MED10: variants seen among roughly 807,000 people sequenced by gnomAD.
MED10 encodes mediator complex subunit 10.
Under a neutral mutation model 17.2 loss-of-function variants are expected in MED10, and 9 were observed. That is an observed-to-expected ratio of 0.52 (90% CI 0.31 to 0.91). The LOEUF (loss-of-function observed/expected upper bound fraction) is 0.91. Among genes scored for constraint, MED10 ranks in the 40% least tolerant of loss-of-function variants. MED10 has a pLI of 0.04. For synonymous variants in MED10, 66 were observed against 59.8 expected, an observed-to-expected ratio of 1.10 and a Z score of -0.48; for missense variants, 129 against 164.8, an observed-to-expected ratio of 0.78 and a Z score of 1.19.
intron 3 of MED10, among the ~76,000 whole-genome samples, chr5:6,372,936 A>C (rs1030573172): frequency 1.3e-5 from 2 of 152,190 alleles, no homozygotes; most frequent in African/African-American, 4.8e-5. Context: ...CTGTTGGCCA[A>C]TATAATTCTC....
At chr5:6,378,257 A>C (rs1454918540) in intron 1 of MED10, 105 bp downstream of exon 1, 28 of 1,400,456 alleles carry the variant, frequency 2.0e-5, no homozygotes, top group Middle Eastern at 2.3e-4. Flanking sequence ...GCGGGGCACG[A>C]GTAGCGGTCA....
chr5:6,374,393 G>A lies in MED10; in HGVS notation c.240C>T (p.Tyr80=), dbSNP rs1318545448. The A allele has an allele frequency of 3.1e-6, 5 of 1,613,882 alleles. No homozygotes were observed. Among genetic ancestry groups the A allele is most frequent in the South Asian group, 2.2e-5 (2 of 91,082 alleles). Residue 80 remains tyrosine, a synonymous_variant, in exon 3 of 4, where the codon TAC becomes TAT. Transcript: ENST00000255764. ...YIDQGRNPQL[Y]TKECLERALA... ...GAGCCCTCTCCAGGCACTCTTTGGT[G>A]TAGAGCTGGGGATTTCGACCTTGAT...
chr5:6,374,415 T>C lies in MED10; in HGVS notation c.218A>G (p.Gln73Arg). ...VPLEVFEYID[Q>R]GRNPQLYTKE... Reference sequence around the variant, plus strand: ...GGTGTAGAGCTGGGGATTTCGACCTTGATCTATATATCTGGAAACACGATA... The same window carrying C: ...GGTGTAGAGCTGGGGATTTCGACCTCGATCTATATATCTGGAAACACGATA... The change falls in exon 3 of 4, where the codon CAA (glutamine) becomes CGA (arginine). Residue 73 changes from glutamine (Q) to arginine (R), a missense_variant. Gln to Arg is a conservative substitution (Grantham distance 43, BLOSUM62 1). Around this residue, in one of 3 missense-constraint regions of MED10, gnomAD observed 100 missense variants for 121.0 expected, o/e 0.83. Coordinates refer to ENST00000255764, the MANE Select transcript of MED10 (RefSeq NM_032286.3). The C allele has an allele frequency of 6.2e-7, 1 of 1,610,364 alleles. No individual in the cohort carries two copies. Among genetic ancestry groups the C allele is most frequent in the East Asian group, 2.2e-5 (1 of 44,844 alleles).
rs776927446 is a variant in MED10, at chr5:6,372,475, G to A, written c.*28C>T. 3 of 1,597,150 alleles carry A rather than the reference G, an allele frequency of 1.9e-6. No homozygotes were observed. The South Asian group carries it at 3.3e-5, about 18-fold the overall frequency. ...CCTCACGCCGCATCGCAGTCCCAGG[G>A]GATCTTCACACAGGGAGGGTGAGCT... On this transcript the variant is annotated 3_prime_UTR_variant, in exon 4 of 4. Coordinates refer to ENST00000255764, the MANE Select transcript of MED10 (RefSeq NM_032286.3).
intron 3 of MED10, 117 bp downstream of exon 3, chr5:6,374,207 T>C (rs781605542): frequency 1.4e-6 from 1 of 696,882 alleles, no homozygotes; most frequent in Non-Finnish European, 2.6e-6. Flanking sequence ...AATCTCAATA[T>C]GTGAAGTTAT....
intron 3 of MED10, among the ~76,000 whole-genome samples, chr5:6,373,040 A>G (rs1402652544): frequency 6.6e-6 from 1 of 152,246 alleles, no homozygotes; most frequent in African/African-American, 2.4e-5. Flanking sequence ...GCTGGACTCA[A>G]CAACTCCTCA....
chr5:6,373,827 C>A (rs1737939260), intron 3 of MED10, among the ~76,000 whole-genome samples: 1 of 152,206 alleles, frequency 6.6e-6, no homozygotes, highest in Admixed American at 6.5e-5. Flanking sequence ...TGTTCAAGTG[C>A]AGAGAGTTCT....
rs923240135 is a variant in MED10 at position 6,378,259 on chromosome 5, T to G, written c.122+103A>C. On this transcript the variant is annotated intron_variant, in intron 1 of 3. Transcript: ENST00000255764. ...GACCAGAGGGCTGGCGGGGCACGAGTAGCGGTCAGGCTCGGCTCGGGCTCC... is the reference window on the plus strand; with the variant it reads ...GACCAGAGGGCTGGCGGGGCACGAGGAGCGGTCAGGCTCGGCTCGGGCTCC... 9 of 1,403,208 alleles carry G rather than the reference T, an allele frequency of 6.4e-6. No homozygotes were observed. The Admixed American group carries it at 7.9e-5, about 12-fold the overall frequency. The allele number at this position is 1,403,208 out of a possible 1,614,324, so 86.9% of individuals were successfully genotyped here. A position where few individuals can be genotyped will look rare whatever the true frequency, so the allele number is the denominator to read the frequency against.
chr5:6,378,494 C>G lies in MED10; in HGVS notation c.-11G>C, dbSNP rs766701980. 6.6e-5 allele frequency: 107 copies of G among 1,609,180 alleles called. No homozygotes were observed. Among genetic ancestry groups the G allele is most frequent in the Admixed American group, 1.7e-4 (10 of 59,534 alleles). On this transcript the variant is annotated 5_prime_UTR_variant, in exon 1 of 4. Coordinates refer to ENST00000255764, the MANE Select transcript of MED10 (RefSeq NM_032286.3). ...AAACTTCTCCGCCATCGCCTCGGCC[C>G]GTCCCCGACCCACACAGCCTCAACC...
At chr5:6,376,175 G>C (rs1393037385) in intron 2 of MED10, among the ~76,000 whole-genome samples, 1 of 152,196 alleles carries the variant, frequency 6.6e-6, no homozygotes, top group Non-Finnish European at 1.5e-5. Context: ...CAGGTGAACA[G>C]AAGATCAGAG....
In MED10 at chr5:6,372,401, G is replaced by A. The variant is rs115077721; in HGVS notation, c.*102C>T. 612 of 945,378 alleles carry A rather than the reference G, an allele frequency of 6.5e-4. No homozygotes were observed. The African/African-American group carries it at 9.2e-3, about 14-fold the overall frequency. The allele number at this position is 945,378 out of a possible 1,614,324, so 58.6% of individuals were successfully genotyped here. A position where few individuals can be genotyped will look rare whatever the true frequency, so the allele number is the denominator to read the frequency against. On this transcript the variant is annotated 3_prime_UTR_variant, in exon 4 of 4. Coordinates refer to ENST00000255764, the MANE Select transcript of MED10 (RefSeq NM_032286.3). ...AGAGGGGCTGAGGGGTGTGTCCAGG[G>A]CCCAGTCCCACCTCAGCAGGAAGGT...
chr5:6,372,486 C>T lies in MED10; in HGVS notation c.*17G>A, dbSNP rs1330127134. On this transcript the variant is annotated 3_prime_UTR_variant, in exon 4 of 4. Transcript: ENST00000255764. ...ATCGCAGTCCCAGGGGATCTTCACA[C>T]AGGGAGGGTGAGCTGGTTAAGAAGG... 3 of 1,610,366 alleles carry T rather than the reference C, an allele frequency of 1.9e-6. No individual in the cohort carries two copies. The highest frequency in any genetic ancestry group is 2.5e-6 in the Non-Finnish European group (3 of 1,176,594).
intron 3 of MED10, among the ~76,000 whole-genome samples, chr5:6,373,238 C>T (rs1443681310): frequency 2.0e-5 from 3 of 152,134 alleles, no homozygotes; most frequent in Non-Finnish European, 4.4e-5. Flanking sequence ...TCCTCCCACT[C>T]GGCCAGAGCG....
chr5:6,376,523 T>C (rs1003437781), intron 2 of MED10, among the ~76,000 whole-genome samples: 6 of 152,320 alleles, frequency 3.9e-5, no homozygotes, highest in East Asian at 1.9e-4. Context: ...ACCAAATCAA[T>C]GCAAGAAAAC....
At position 6,372,611 on chromosome 5, in the gene MED10, A is replaced by G. The variant is rs1406000011; in HGVS notation, c.310-10T>C. The G allele has an allele frequency of 6.2e-7, 1 of 1,600,698 alleles. No homozygotes were observed. The highest frequency in any genetic ancestry group is 1.1e-5 in the South Asian group (1 of 90,826). ...ACAGGCTTTTAAATTTCTACAAAGA[A>G]AATACATTATCAAAGGAGCTCTTCA... On this transcript the variant is annotated splice_polypyrimidine_tract_variant and intron_variant, in intron 3 of 3. Transcript: ENST00000255764.
chr5:6,373,638 C>T (rs534323100), intron 3 of MED10, among the ~76,000 whole-genome samples: 36 of 152,150 alleles, frequency 2.4e-4, no homozygotes, highest in African/African-American at 7.7e-4. Context: ...CGTGGATGGC[C>T]GGGAGGAGGA....
chr5:6,377,299 A>C, intron 1 of MED10, 50 bp from the exon 2 acceptor site: 1 of 1,412,912 alleles, frequency 7.1e-7, no homozygotes, highest in Non-Finnish European at 9.9e-7. Flanking sequence ...GCTTGACAGC[A>C]TAAGCACCAC....
intron 3 of MED10, among the ~76,000 whole-genome samples, chr5:6,372,928 G>C (rs1301571200): frequency 6.6e-6 from 1 of 152,190 alleles, no homozygotes; most frequent in African/African-American, 2.4e-5. Flanking sequence ...AGACGTTTCT[G>C]TTGGCCAATA....
At chr5:6,374,688 C>T in intron 2 of MED10, 1 of 392,480 alleles carries the variant, frequency 2.5e-6, no homozygotes, top group Non-Finnish European at 4.7e-6. Flanking sequence ...GCTTCACAAG[C>T]CATACCACTT....
Sources: allele counts gnomAD v4.1 joint callset (sites outside exome capture counted in the v4.1 genomes callset), GRCh38; gene constraint gnomAD v4.1.1; regional missense constraint gnomAD v4.1.1; transcripts MANE v1.5; gene names NCBI Gene and HGNC (gene_info 2026-07-23, HGNC 2026-07-21).